RGS17: variants seen among roughly 807,000 people sequenced by gnomAD.
The protein encoded by RGS17 is regulator of G-protein signaling 17.
Under a neutral mutation model 25.5 loss-of-function variants are expected in RGS17, and 12 were observed. The observed-to-expected ratio is 0.47, with a 90% CI of 0.30 to 0.76. The LOEUF (loss-of-function observed/expected upper bound fraction) is 0.76, where lower values mean the gene tolerates loss of function less well. Among genes scored for constraint, RGS17 ranks in the 30% least tolerant of loss-of-function variants. The pLI, the probability that RGS17 is intolerant of heterozygous loss-of-function variation, is 0.07. For synonymous variants in RGS17, 71 were observed against 76.9 expected, an observed-to-expected ratio of 0.92 and a Z score of 0.40; for missense variants, 196 against 242.2, an observed-to-expected ratio of 0.81 and a Z score of 1.27.
At position 153,011,331 on chromosome 6, in the gene RGS17, G is replaced by C. The variant is rs929748963; in HGVS notation, c.*243C>G. 3 of 465,338 alleles carry C rather than the reference G, an allele frequency of 6.4e-6. No homozygotes were observed. The highest frequency in any genetic ancestry group is 7.6e-6 in the Non-Finnish European group (2 of 261,958). The allele number at this position is 465,338 out of a possible 1,614,324, so 28.8% of individuals were successfully genotyped here. On this transcript the variant is annotated 3_prime_UTR_variant, in exon 5 of 5. Transcript: ENST00000206262. Reference sequence around the variant, plus strand: ...ATAGGACTACAAATACACTTTGCTTGCAAGTAGAATGAGTCTTGAATAAAA... The same window carrying C: ...ATAGGACTACAAATACACTTTGCTTCCAAGTAGAATGAGTCTTGAATAAAA...
At chr6:153,041,740 T>C (rs1776323104) in intron 2 of RGS17, among the ~76,000 whole-genome samples, 1 of 152,242 alleles carries the variant, frequency 6.6e-6, no homozygotes, top group Admixed American at 6.5e-5. Flanking sequence ...ATATTGGTGA[T>C]GTTTTATACA....
intron 1 of RGS17, among the ~76,000 whole-genome samples, chr6:153,122,789 G>A (rs532093907): frequency 6.6e-6 from 1 of 152,032 alleles, no homozygotes; most frequent in Non-Finnish European, 1.5e-5. Context: ...AAGCAAAGAT[G>A]CTCCTTTCTC....
chr6:153,079,339 A>G (rs903406387), intron 1 of RGS17, among the ~76,000 whole-genome samples: 5 of 152,130 alleles, frequency 3.3e-5, no homozygotes, highest in African/African-American at 9.7e-5. Context: ...CTGCCTCCCA[A>G]AATGCTAGGA....
chr6:153,123,115 T>C (rs970704088), intron 1 of RGS17, among the ~76,000 whole-genome samples: 4 of 104,504 alleles, frequency 3.8e-5, no homozygotes, highest in Admixed American at 9.0e-5. Flanking sequence ...GTAAATTATA[T>C]AGGTCATTGT....
At chr6:153,038,040 T>C (rs2129109278) in intron 2 of RGS17, among the ~76,000 whole-genome samples, 1 of 152,314 alleles carries the variant, frequency 6.6e-6, no homozygotes, top group African/African-American at 2.4e-5. Context: ...CGGTACATCC[T>C]GGCCCATCCA....
rs535125660 is a variant in RGS17 at position 153,031,904 on chromosome 6, T to C, written c.120-5361A>G. On this transcript the variant is annotated intron_variant, in intron 2 of 4. Coordinates refer to ENST00000206262, the MANE Select transcript of RGS17 (RefSeq NM_012419.5). ...TGAGATGAACAAAAAGGAGTTGTTA[T>C]AGAAGGTTTTGACAGCAAAGTGTGA... Among the ~76,000 whole-genome samples, 14 of 152,288 alleles carry C rather than the reference T, an allele frequency of 9.2e-5. 1 individual carries two copies. The highest frequency in any genetic ancestry group is 5.9e-4 in the Admixed American group (9 of 15,290).
chr6:153,075,929 G>A (rs6899427), intron 1 of RGS17, among the ~76,000 whole-genome samples: 135,393 of 152,196 alleles, frequency 0.89, 60,466 homozygotes, highest in African/African-American at 0.97. Context: ...GATGGTAATA[G>A]TGCTTATTTA....
chr6:153,125,223 G>A (rs1306218194), intron 1 of RGS17, among the ~76,000 whole-genome samples: 3 of 152,030 alleles, frequency 2.0e-5, no homozygotes, highest in African/African-American at 7.3e-5. Context: ...CCCAAGATAA[G>A]GAAGTAAATA....
chr6:153,067,757 G>T (rs1776730887), intron 1 of RGS17, among the ~76,000 whole-genome samples: 1 of 152,152 alleles, frequency 6.6e-6, no homozygotes, highest in Non-Finnish European at 1.5e-5. Flanking sequence ...AAGATTCTAT[G>T]CAATCTCTAT....
intron 1 of RGS17, among the ~76,000 whole-genome samples, chr6:153,085,652 C>T (rs1777042031): frequency 6.6e-6 from 1 of 152,182 alleles, no homozygotes; most frequent in Non-Finnish European, 1.5e-5. Flanking sequence ...TTGAGTAGCA[C>T]AACTCTGAAA....
rs1107036 is a variant in RGS17 at position 153,056,459 on chromosome 6, T to A, written c.-25-12416A>T. On this transcript the variant is annotated intron_variant, in intron 1 of 4. Coordinates refer to ENST00000206262, the MANE Select transcript of RGS17 (RefSeq NM_012419.5). ...CAATAGAAAGACTCTTTATTCCATA[T>A]ATGGAAAGTCTGACTGATACTCAGA... Among the ~76,000 whole-genome samples the A allele has an allele frequency of 9.6e-3, 1,457 of 152,294 alleles. 32 individuals carry two copies. The highest frequency in any genetic ancestry group is 0.033 in the African/African-American group (1,387 of 41,556).
chr6:153,069,850 C>G (rs1430676764), intron 1 of RGS17, among the ~76,000 whole-genome samples: 8 of 151,464 alleles, frequency 5.3e-5, no homozygotes. Context: ...CACTTCAGTA[C>G]GTTATTTATT....
At chr6:153,070,701 GTA>G (rs1491327445) in intron 1 of RGS17, among the ~76,000 whole-genome samples, 1 of 104,632 alleles carries the variant, frequency 9.6e-6, no homozygotes, top group African/African-American at 3.4e-5. Context: ...GTGTGTGTGT[GTA>G]TATACATATA....
intron 1 of RGS17, among the ~76,000 whole-genome samples, chr6:153,093,229 T>C (rs759228000): frequency 3.9e-5 from 6 of 152,202 alleles, no homozygotes; most frequent in African/African-American, 9.6e-5. Context: ...GTGGCTATTG[T>C]GTGAATGGCT....
chr6:153,054,215 C>T (rs1436248704), intron 1 of RGS17, among the ~76,000 whole-genome samples: 2 of 146,376 alleles, frequency 1.4e-5, no homozygotes, highest in East Asian at 2.0e-4. Flanking sequence ...GAATTGAATA[C>T]CTTAATTTTC....
chr6:153,017,544 AG>A (rs1295650968), intron 4 of RGS17, among the ~76,000 whole-genome samples: 1 of 152,156 alleles, frequency 6.6e-6, no homozygotes, highest in Admixed American at 6.5e-5. Context: ...CATTGCTGAA[AG>A]GGGGTACACC....
chr6:153,024,158 T>C (rs994836000), intron 4 of RGS17, 104 bp downstream of exon 4: 2 of 707,536 alleles, frequency 2.8e-6, no homozygotes, highest in South Asian at 1.8e-5. Context: ...CAGTGAAATC[T>C]TCTACCCTCT....
chr6:153,040,691 C>A (rs930861411), intron 2 of RGS17, among the ~76,000 whole-genome samples: 2 of 151,494 alleles, frequency 1.3e-5, no homozygotes, highest in Non-Finnish European at 2.9e-5. Flanking sequence ...ACATTTATTT[C>A]TTTTTCTTTT....
chr6:153,035,222 C>T (rs1776223928), intron 2 of RGS17, among the ~76,000 whole-genome samples: 1 of 151,092 alleles, frequency 6.6e-6, no homozygotes, highest in Admixed American at 6.6e-5. Context: ...CACTTAGGAA[C>T]AGATATTCCC....
Sources: allele counts gnomAD v4.1 joint callset (sites outside exome capture counted in the v4.1 genomes callset), GRCh38; gene constraint gnomAD v4.1.1; transcripts MANE v1.5; gene names NCBI Gene and HGNC (gene_info 2026-07-23, HGNC 2026-07-21).